Variants in THSD7B observed in about 807,000 individuals in gnomAD.
The protein encoded by THSD7B is thrombospondin type-1 domain-containing protein 7B.
A neutral mutation model predicts 213.6 loss-of-function variants in THSD7B; 138 were observed. That is an observed-to-expected ratio of 0.65 (90% CI 0.56 to 0.74). THSD7B has a LOEUF of 0.74. THSD7B is among the 30% of genes least tolerant of loss of function. The probability of loss-of-function intolerance (pLI) is 0.00; values close to 1 mark genes in which losing one functional copy is unlikely to be tolerated. For missense variants in THSD7B, 1,931 were observed against 1,991.5 expected (o/e 0.97, Z 0.58); for synonymous variants, 742 against 687.0 (o/e 1.08, Z -1.25).
chr2:136,923,436 C>G (rs973504989), intron 2 of THSD7B, among the ~76,000 whole-genome samples: 4 of 152,090 alleles, frequency 2.6e-5, no homozygotes, highest in Non-Finnish European at 5.9e-5. Flanking sequence ...TTTTCAAGAT[C>G]CTTTTTCTTC....
At chr2:137,251,203 T>C (rs1682167345) in intron 10 of THSD7B, among the ~76,000 whole-genome samples, 1 of 152,192 alleles carries the variant, frequency 6.6e-6, no homozygotes, top group African/African-American at 2.4e-5. Context: ...ACAGCTCAAT[T>C]TTCCTCATAA....
chr2:137,583,888 G>C (rs2104804704), intron 17 of THSD7B, among the ~76,000 whole-genome samples: 1 of 152,322 alleles, frequency 6.6e-6, no homozygotes, highest in Non-Finnish European at 1.5e-5. Context: ...GTCATTGGTA[G>C]CTTGATGGGG....
intron 2 of THSD7B, among the ~76,000 whole-genome samples, chr2:136,944,461 T>G (rs1684888535): frequency 6.6e-6 from 1 of 152,198 alleles, no homozygotes; most frequent in Admixed American, 6.5e-5. Context: ...CTCCTTGATC[T>G]GTCTAATATT....
chr2:137,540,395 A>G (rs529054209), intron 15 of THSD7B, among the ~76,000 whole-genome samples: 2 of 151,770 alleles, frequency 1.3e-5, no homozygotes, highest in African/African-American at 4.8e-5. Context: ...AGTCTTGGTA[A>G]GAATTGAGAG....
chr2:137,284,077 G>C (rs775313648), intron 12 of THSD7B, among the ~76,000 whole-genome samples: 1 of 152,018 alleles, frequency 6.6e-6, no homozygotes, highest in African/African-American at 2.4e-5. Context: ...CAATTTCAGA[G>C]CCTGTTATTG....
rs1054395762 is a variant in THSD7B, at chr2:137,581,573, T to C, written c.3423+9017T>C. On this transcript the variant is annotated intron_variant, in intron 17 of 27. Transcript: ENST00000409968. Reference sequence around the variant, plus strand: ...CTGCAGTGAGCTGAGATAGCGTCACTGCACTCCACACTCCAGCCTGGGCAA... The same window carrying C: ...CTGCAGTGAGCTGAGATAGCGTCACCGCACTCCACACTCCAGCCTGGGCAA... Among the ~76,000 whole-genome samples the C allele has an allele frequency of 3.3e-5, 5 of 151,934 alleles. No homozygotes were observed. In the South Asian group the frequency reaches 1.0e-3, roughly 31 times the overall value.
intron 5 of THSD7B, among the ~76,000 whole-genome samples, chr2:137,127,089 A>G (rs1271568013): frequency 1.3e-5 from 2 of 152,222 alleles, no homozygotes; most frequent in Non-Finnish European, 2.9e-5. Context: ...AAAGTGTGAA[A>G]TAATGCAAGA....
intron 12 of THSD7B, among the ~76,000 whole-genome samples, chr2:137,325,878 C>T (rs1245740849): frequency 4.6e-5 from 7 of 152,268 alleles, no homozygotes; most frequent in East Asian, 1.9e-4. Flanking sequence ...GCTGGTTTTC[C>T]GTTGGCTTCA....
chr2:137,505,508 G>C (rs532839990), intron 15 of THSD7B, among the ~76,000 whole-genome samples: 43 of 152,306 alleles, frequency 2.8e-4, no homozygotes, highest in Non-Finnish European at 5.4e-4. Flanking sequence ...CAGAGCTTTT[G>C]TACCAGCCCA....
intron 12 of THSD7B, among the ~76,000 whole-genome samples, chr2:137,368,905 A>G (rs990283708): frequency 1.3e-5 from 2 of 152,072 alleles, no homozygotes; most frequent in African/African-American, 4.8e-5. Context: ...GGAGATAGTT[A>G]TAGAACTCTG....
chr2:137,597,687 C>T (rs1681989149), intron 17 of THSD7B, among the ~76,000 whole-genome samples: 1 of 152,022 alleles, frequency 6.6e-6, no homozygotes, highest in South Asian at 2.1e-4. Flanking sequence ...ATGTTTCAGA[C>T]ACATATTATA....
intron 7 of THSD7B, among the ~76,000 whole-genome samples, chr2:137,185,118 C>T (rs1680526511): frequency 6.6e-6 from 1 of 152,030 alleles, no homozygotes; most frequent in South Asian, 2.1e-4. Context: ...CGAGAATTGG[C>T]AAACAGTTAT....
chr2:136,846,969 G>A (rs1468098507), intron 1 of THSD7B, among the ~76,000 whole-genome samples: 2 of 152,108 alleles, frequency 1.3e-5, no homozygotes, highest in Non-Finnish European at 2.9e-5. Flanking sequence ...GTAAAGCTTA[G>A]TTCTGGCCAC....
chr2:137,523,973 A>G (rs1295417955), intron 15 of THSD7B, among the ~76,000 whole-genome samples: 1 of 152,226 alleles, frequency 6.6e-6, no homozygotes, highest in Non-Finnish European at 1.5e-5. Context: ...ATATAAAAGT[A>G]GTTTAATGGA....
chr2:137,049,216 T>C (rs1460562889), intron 2 of THSD7B, among the ~76,000 whole-genome samples: 1 of 152,204 alleles, frequency 6.6e-6, no homozygotes, highest in Non-Finnish European at 1.5e-5. Context: ...GGCAGGGGCT[T>C]TCGGCAAGAG....
intron 2 of THSD7B, among the ~76,000 whole-genome samples, chr2:136,980,205 A>G (rs1464800091): frequency 2.6e-5 from 4 of 151,748 alleles, no homozygotes; most frequent in African/African-American, 9.7e-5. Context: ...ATGTCTGGAG[A>G]CCCCTGTTGG....
At chr2:137,083,332 A>T (rs940143624) in intron 3 of THSD7B, among the ~76,000 whole-genome samples, 1 of 152,106 alleles carries the variant, frequency 6.6e-6, no homozygotes, top group Non-Finnish European at 1.5e-5. Flanking sequence ...CTTCTCAGTG[A>T]TCCTTTATAT....
intron 15 of THSD7B, among the ~76,000 whole-genome samples, chr2:137,544,777 G>T (rs1680676539): frequency 6.6e-6 from 1 of 151,526 alleles, no homozygotes; most frequent in Non-Finnish European, 1.5e-5. Flanking sequence ...TCAATGTAGG[G>T]CACTTTATAT....
intron 5 of THSD7B, among the ~76,000 whole-genome samples, chr2:137,140,700 G>A (rs539127942): frequency 1.3e-5 from 2 of 152,148 alleles, no homozygotes; most frequent in African/African-American, 4.8e-5. Context: ...TACTTATTGA[G>A]TGTCCATTTT....
Sources: gnomAD v4.1 joint callset for allele counts (sites outside exome capture counted in the v4.1 genomes callset) on GRCh38, gnomAD v4.1.1 for gene constraint, MANE v1.5 for transcripts, NCBI Gene and HGNC (gene_info 2026-07-23, HGNC 2026-07-21) for gene names.